CHD9: variants seen among roughly 807,000 people sequenced by gnomAD.
CHD9 encodes the protein ATP-dependent chromatin remodeler CHD9.
Under a neutral mutation model 316.1 loss-of-function variants are expected in CHD9, and 77 were observed. That is an observed-to-expected ratio of 0.24 (90% CI 0.20 to 0.29). The LOEUF (loss-of-function observed/expected upper bound fraction) is 0.29, where lower values mean the gene tolerates loss of function less well. Ranked by LOEUF, CHD9 falls within the 10% of genes least tolerant of loss-of-function variation. CHD9 has a pLI of 1.00. For missense variants in CHD9, 2,763 were observed against 3,438.1 expected, an observed-to-expected ratio of 0.80 and a Z score of 4.91; for synonymous variants, 1,129 against 1,158.3, an observed-to-expected ratio of 0.97 and a Z score of 0.51.
intron 1 of CHD9, among the ~76,000 whole-genome samples, chr16:53,127,940 CAAAAA>C (rs35806274): frequency 7.7e-5 from 6 of 78,218 alleles, no homozygotes; most frequent in South Asian, 5.8e-4. Context: ...GAGACTCTGT[CAAAAA>C]AAAAAAAAAA....
At chr16:53,265,227 C>T (rs1239441294) in intron 20 of CHD9, among the ~76,000 whole-genome samples, 2 of 151,786 alleles carry the variant, frequency 1.3e-5, no homozygotes, top group South Asian at 4.2e-4. Flanking sequence ...ATAGCAAGAC[C>T]CTGTTCTCTA....
At chr16:53,239,787 T>G (rs1450880365) in intron 12 of CHD9, among the ~76,000 whole-genome samples, 1 of 152,090 alleles carries the variant, frequency 6.6e-6, no homozygotes, top group Non-Finnish European at 1.5e-5. Flanking sequence ...ACCACTGCAC[T>G]GAAGCCTGGG....
rs759008878 is a variant in CHD9 at position 53,326,220 on chromosome 16, C to T, written c.*1325C>T. 7 of 152,334 alleles carry T rather than the reference C, an allele frequency of 4.6e-5. No homozygotes were observed. The highest frequency in any genetic ancestry group is 1.0e-4 in the Non-Finnish European group (7 of 67,902). 9.4% of individuals were successfully genotyped at this position (152,334 alleles called of 1,614,324 possible). A position where few individuals can be genotyped will look rare whatever the true frequency, so the allele number is the denominator to read the frequency against. ...TGACAAGGTAGAGGTCCAGGTTCACCTTTATATATATTTAAAACAATTAGT... is the reference window on the plus strand; with the variant it reads ...TGACAAGGTAGAGGTCCAGGTTCACTTTTATATATATTTAAAACAATTAGT... On this transcript the variant is annotated 3_prime_UTR_variant, in exon 39 of 39. Coordinates refer to ENST00000447540, the MANE Select transcript of CHD9 (RefSeq NM_001308319.2).
intron 27 of CHD9, among the ~76,000 whole-genome samples, chr16:53,290,510 CT>C (rs2054244105): frequency 6.6e-6 from 1 of 151,716 alleles, no homozygotes; most frequent in African/African-American, 2.4e-5. Context: ...ATGAGAGGAG[CT>C]GGATGCAGTG....
intron 30 of CHD9, chr16:53,298,128 G>C (rs2054972385): frequency 6.6e-6 from 1 of 152,276 alleles, no homozygotes; most frequent in South Asian, 2.1e-4. Flanking sequence ...AAAATGTAGG[G>C]CTTCCTCAGA....
chr16:53,112,181 T>G (rs1192511221), intron 1 of CHD9, among the ~76,000 whole-genome samples: 1 of 152,234 alleles, frequency 6.6e-6, no homozygotes. Context: ...CTTTCAACTT[T>G]CCAGATCCTC....
At chr16:53,158,698 A>G (rs2152750256) in intron 2 of CHD9, among the ~76,000 whole-genome samples, 1 of 152,078 alleles carries the variant, frequency 6.6e-6, no homozygotes, top group African/African-American at 2.4e-5. Flanking sequence ...GTGCAGTGGC[A>G]CCATCAGGGC....
intron 5 of CHD9, 48 bp from the exon 6 acceptor site, chr16:53,227,348 G>T: frequency 1.6e-6 from 2 of 1,279,210 alleles, no homozygotes; most frequent in Non-Finnish European, 2.2e-6. Flanking sequence ...GCAACTAAAA[G>T]ATCTTTCAGA....
chr16:53,306,265 T>C lies in CHD9; in HGVS notation c.6648T>C (p.Asp2216=). The change falls in exon 32 of 39, where the codon GAT becomes GAC. Residue 2216 remains aspartate (D), a synonymous_variant. Transcript: ENST00000447540. ...GTACTACTCACATGAAAGCCTATGA[T>C]GAAGAAAGCGTCGCGTCACTGAGCA... is the stretch of plus-strand genomic sequence containing the variant. The part of the protein sequence containing the change: ...RESTTHMKAY[D]EESVASLSTT... 1 of 1,584,828 alleles carries C rather than the reference T, an allele frequency of 6.3e-7. No homozygotes were observed. Among genetic ancestry groups the C allele is most frequent in the Non-Finnish European group, 8.6e-7 (1 of 1,169,278 alleles).
In CHD9 at chr16:53,262,976, A is replaced by G; in HGVS notation, c.4210-11A>G. 7 of 1,605,256 alleles carry G rather than the reference A, an allele frequency of 4.4e-6. No individual in the cohort carries two copies. The highest frequency in any genetic ancestry group is 6.0e-6 in the Non-Finnish European group (7 of 1,172,654). On this transcript the variant is annotated splice_polypyrimidine_tract_variant and intron_variant, in intron 19 of 38. Transcript: ENST00000447540. ...AGATTTTTCCTCTAAAACTGCCATT[A>G]TATATTTCAGGCGAGTTTTGTGGCA...
chr16:53,084,029 C>T (rs1378459668), intron 1 of CHD9, among the ~76,000 whole-genome samples: 1 of 151,954 alleles, frequency 6.6e-6, no homozygotes, highest in African/African-American at 2.4e-5. Flanking sequence ...GGATTACAAG[C>T]GTGAGCCACC....
chr16:53,182,963 A>T (rs933765345), intron 2 of CHD9, among the ~76,000 whole-genome samples: 1 of 152,204 alleles, frequency 6.6e-6, no homozygotes, highest in Non-Finnish European at 1.5e-5. Context: ...GTGAGACTAT[A>T]TATTAGCTAA....
chr16:53,264,158 G>A (rs976034416), intron 20 of CHD9, among the ~76,000 whole-genome samples: 19 of 152,114 alleles, frequency 1.2e-4, no homozygotes, highest in African/African-American at 2.2e-4. Flanking sequence ...TTAATAGTTC[G>A]TTTGTAAACA....
chr16:53,055,239 G>A (rs979947479), intron 1 of CHD9, among the ~76,000 whole-genome samples, 162 bp downstream of exon 1: 1 of 152,074 alleles, frequency 6.6e-6, no homozygotes, highest in African/African-American at 2.4e-5. Context: ...CCGCAGCCTC[G>A]GAGCTGGGCC....
intron 2 of CHD9, among the ~76,000 whole-genome samples, chr16:53,207,734 A>C (rs907602555): frequency 6.6e-6 from 1 of 152,022 alleles, no homozygotes; most frequent in Non-Finnish European, 1.5e-5. Context: ...TTGTTTTTTT[A>C]AAATATTGAT....
At chr16:53,068,127 G>A (rs2033689064) in intron 1 of CHD9, among the ~76,000 whole-genome samples, 1 of 152,154 alleles carries the variant, frequency 6.6e-6, no homozygotes, top group Non-Finnish European at 1.5e-5. Context: ...CTTACTGGCT[G>A]TGTTTGACCT....
intron 2 of CHD9, among the ~76,000 whole-genome samples, chr16:53,171,135 T>G (rs2042684284): frequency 6.6e-6 from 1 of 152,088 alleles, no homozygotes; most frequent in Non-Finnish European, 1.5e-5. Flanking sequence ...TTAGGCCAGG[T>G]GCGGTGGCTC....
intron 8 of CHD9, 130 bp from the exon 9 acceptor site, chr16:53,231,289 A>T (rs1180650583): frequency 9.2e-6 from 5 of 545,016 alleles, no homozygotes; most frequent in Admixed American, 3.5e-5. Context: ...AAAATGGAAG[A>T]ATTCCATTTA....
At chr16:53,252,789 G>A (rs1021522088) in intron 17 of CHD9, among the ~76,000 whole-genome samples, 2 of 151,106 alleles carry the variant, frequency 1.3e-5, no homozygotes, top group Non-Finnish European at 2.9e-5. Context: ...TGACAAACAT[G>A]TGAAAAGATG....
Sources: allele counts gnomAD v4.1 joint callset (sites outside exome capture counted in the v4.1 genomes callset), GRCh38; gene constraint gnomAD v4.1.1; transcripts MANE v1.5; gene names NCBI Gene and HGNC (gene_info 2026-07-23, HGNC 2026-07-21).